The following GAB2 variants were observed in gnomAD, a reference collection of about 807,000 sequenced individuals.
The protein encoded by GAB2 is GRB2 associated binding protein 2, also known as GRB2-associated-binding protein 2.
Under a neutral mutation model 65.5 loss-of-function variants are expected in GAB2, and 26 were observed. That is an observed-to-expected ratio of 0.40 (90% CI 0.29 to 0.55). The LOEUF is 0.55. Ranked by LOEUF, GAB2 falls within the 20% of genes least tolerant of loss-of-function variation. The pLI, the probability that GAB2 is intolerant of heterozygous loss-of-function variation, is 0.53. For synonymous variants in GAB2, 321 were observed against 329.6 expected (o/e 0.97, Z 0.28); for missense variants, 884 against 875.8 (o/e 1.01, Z -0.12).
At chr11:78,331,248 CT>C (rs200423408) in intron 1 of GAB2, among the ~76,000 whole-genome samples, 26,300 of 141,852 alleles carry the variant, frequency 0.19, 2,703 homozygotes, top group East Asian at 0.41. Context: ...ATTCTCCATT[CT>C]TTTTTTTTTT....
chr11:78,358,334 T>C (rs146672696), intron 1 of GAB2, among the ~76,000 whole-genome samples: 3,889 of 148,770 alleles, frequency 0.026, 168 homozygotes, highest in African/African-American at 0.09. Flanking sequence ...TTAGGAGATA[T>C]ACCTAATGTA....
At chr11:78,400,515 C>T (rs1464761240) in intron 1 of GAB2, among the ~76,000 whole-genome samples, 1 of 152,154 alleles carries the variant, frequency 6.6e-6, no homozygotes, top group Non-Finnish European at 1.5e-5. Flanking sequence ...CAACAGCCTG[C>T]TCAGGAACCT....
chr11:78,274,880 C>T (rs1041604378), intron 2 of GAB2, among the ~76,000 whole-genome samples: 2 of 152,188 alleles, frequency 1.3e-5, no homozygotes, highest in Admixed American at 1.3e-4. Flanking sequence ...GACAAAAACA[C>T]AGCACATTAT....
intron 1 of GAB2, among the ~76,000 whole-genome samples, chr11:78,316,032 C>G (rs924356607): frequency 4.6e-5 from 7 of 152,128 alleles, no homozygotes; most frequent in Non-Finnish European, 8.8e-5. Context: ...TCCTTCTCCC[C>G]ACTCCCCCTC....
chr11:78,392,659 G>T (rs1406406813), intron 1 of GAB2, among the ~76,000 whole-genome samples: 2 of 152,126 alleles, frequency 1.3e-5, no homozygotes, highest in African/African-American at 4.8e-5. Flanking sequence ...GAAGATGGGG[G>T]TACTGGGGAG....
chr11:78,396,935 A>C (rs1856909776), intron 1 of GAB2, among the ~76,000 whole-genome samples: 1 of 152,204 alleles, frequency 6.6e-6, no homozygotes, highest in African/African-American at 2.4e-5. Context: ...AAGCACACAA[A>C]GGGTGAAACA....
chr11:78,253,613 T>C (rs756715556), intron 2 of GAB2, among the ~76,000 whole-genome samples: 1 of 152,096 alleles, frequency 6.6e-6, no homozygotes, highest in Non-Finnish European at 1.5e-5. Flanking sequence ...AAAGACATTT[T>C]CCTGTTTCTT....
intron 1 of GAB2, among the ~76,000 whole-genome samples, chr11:78,303,551 T>C (rs963922615): frequency 5.3e-5 from 8 of 152,196 alleles, no homozygotes; most frequent in Non-Finnish European, 1.0e-4. Context: ...TATCATGCTG[T>C]CTCAATTACT....
chr11:78,365,722 C>G (rs1054903956), intron 1 of GAB2, among the ~76,000 whole-genome samples: 4 of 152,168 alleles, frequency 2.6e-5, no homozygotes, highest in African/African-American at 9.7e-5. Flanking sequence ...CTCACTCCCC[C>G]AAGGAATGCT....
At chr11:78,283,369 C>T (rs532581025) in intron 1 of GAB2, among the ~76,000 whole-genome samples, 21 of 152,340 alleles carry the variant, frequency 1.4e-4, no homozygotes, top group Non-Finnish European at 2.2e-4. Flanking sequence ...TCTTCAGAAT[C>T]GTTGCATTTT....
At chr11:78,339,651 TG>T in intron 1 of GAB2, among the ~76,000 whole-genome samples, 1 of 152,322 alleles carries the variant, frequency 6.6e-6, no homozygotes, top group African/African-American at 2.4e-5. Flanking sequence ...GGAGGATTAA[TG>T]GGGCTGCTTT....
intron 1 of GAB2, among the ~76,000 whole-genome samples, chr11:78,316,670 T>C (rs548762181): frequency 5.3e-5 from 8 of 152,274 alleles, no homozygotes; most frequent in African/African-American, 9.6e-5. Flanking sequence ...ACTGGAACCC[T>C]TGTGCAATGT....
intron 6 of GAB2, among the ~76,000 whole-genome samples, chr11:78,222,886 C>A (rs1164440287): frequency 6.6e-6 from 1 of 152,240 alleles, no homozygotes; most frequent in Non-Finnish European, 1.5e-5. Context: ...CCATGGCGCC[C>A]AGCCAAGAGA....
chr11:78,367,520 T>C (rs1449704005), intron 1 of GAB2, among the ~76,000 whole-genome samples: 2 of 152,216 alleles, frequency 1.3e-5, no homozygotes, highest in Non-Finnish European at 2.9e-5. Flanking sequence ...GGATTTTATG[T>C]AAGAGATCTC....
At position 78,220,557 on chromosome 11, in the gene GAB2, A is replaced by G. The variant is rs574791846; in HGVS notation, c.1762-113T>C. On this transcript the variant is annotated intron_variant, in intron 8 of 9. Transcript: ENST00000361507. The stretch of plus-strand genomic sequence containing the variant: ...GTTTCCCTGAGCCCTACTCTGACAC[A>G]TGCACCATGCTAAGGACTTTTCATG... 33 of 820,694 alleles carry G rather than the reference A, an allele frequency of 4.0e-5. No homozygotes were observed. The African/African-American group carries it at 5.5e-4, about 14-fold the overall frequency. The allele number at this position is 820,694 out of a possible 1,614,324, so 50.8% of individuals were successfully genotyped here. A position where few individuals can be genotyped will look rare whatever the true frequency, so the allele number is the denominator to read the frequency against.
chr11:78,282,726 C>T (rs1406736008), intron 1 of GAB2, among the ~76,000 whole-genome samples: 2 of 152,024 alleles, frequency 1.3e-5, no homozygotes, highest in Non-Finnish European at 2.9e-5. Context: ...TTATGTGAGC[C>T]CAAAGCACTT....
chr11:78,386,199 A>T (rs553386597), intron 1 of GAB2, among the ~76,000 whole-genome samples: 2 of 152,348 alleles, frequency 1.3e-5, no homozygotes, highest in Non-Finnish European at 2.9e-5. Flanking sequence ...AATCAAACCC[A>T]GGACTCAGGG....
chr11:78,409,377 GA>G (rs1215425683), intron 1 of GAB2, among the ~76,000 whole-genome samples: 1 of 152,174 alleles, frequency 6.6e-6, no homozygotes, highest in African/African-American at 2.4e-5. Context: ...CTGAGGTCAG[GA>G]GTTCGAGACC....
rs868633957 is a variant in GAB2 at position 78,309,969 on chromosome 11, T to C, written c.76-29068A>G. On this transcript the variant is annotated intron_variant, in intron 1 of 9. Transcript: ENST00000361507. ...GTGTGTGTGTGTGTGTGTGTGTGTG[T>C]GTGCGCGCGCGCCTGTGTGTGTGGT... Among the ~76,000 whole-genome samples, 308 of 104,426 alleles carry C rather than the reference T, an allele frequency of 2.9e-3. 1 individual carries two copies. The highest frequency in any genetic ancestry group is 0.012 in the African/African-American group (269 of 23,044). The allele number at this position is 104,426 out of a possible 152,430, so 68.5% of individuals were successfully genotyped here. A position where few individuals can be genotyped will look rare whatever the true frequency, so the allele number is the denominator to read the frequency against.
Sources: allele counts gnomAD v4.1 joint callset (sites outside exome capture counted in the v4.1 genomes callset), GRCh38; gene constraint gnomAD v4.1.1; transcripts MANE v1.5; gene names NCBI Gene and HGNC (gene_info 2026-07-23, HGNC 2026-07-21).